The following PAK3 variants were observed in gnomAD, a reference collection of about 807,000 sequenced individuals.
The protein encoded by PAK3 is p21 (RAC1) activated kinase 3.
A neutral mutation model predicts 41.0 loss-of-function variants in PAK3; 4 were observed. That is an observed-to-expected ratio of 0.10 (90% CI 0.05 to 0.22). The LOEUF is 0.22. Ranked by LOEUF, PAK3 falls within the 10% of genes least tolerant of loss-of-function variation. The pLI, the probability that PAK3 is intolerant of heterozygous loss-of-function variation, is 1.00. For missense variants in PAK3, 205 were observed against 409.9 expected (o/e 0.50, Z 4.32); for synonymous variants, 146 against 139.6 (o/e 1.05, Z -0.32).
intron 4 of PAK3, among the ~76,000 whole-genome samples, chrX:111,118,414 C>G (rs768496971): frequency 3.8e-4 from 39 of 102,382 alleles, no homozygotes; most frequent in Non-Finnish European, 7.1e-4. Flanking sequence ...GCAGTTGTAA[C>G]TCTTGGATTT....
chrX:110,981,541 T>C (rs866534069), intron 1 of PAK3, among the ~76,000 whole-genome samples: 1 of 33,303 alleles, frequency 3.0e-5, no homozygotes. Context: ...TGAGAAAAAA[T>C]AGTGTGTGTG....
At chrX:111,169,130 T>TAC (rs1249169455) in intron 10 of PAK3, 1 of 123,223 alleles carries the variant, frequency 8.1e-6, no homozygotes, top group Admixed American at 9.3e-5. Context: ...CAATATATTC[T>TAC]ACACACGGCA....
At chrX:111,056,837 T>C (rs1251935921) in intron 1 of PAK3, among the ~76,000 whole-genome samples, 1 of 111,810 alleles carries the variant, frequency 8.9e-6, no homozygotes, top group African/African-American at 3.3e-5. Flanking sequence ...CTTCCTTGTG[T>C]AATTGAACTG....
At chrX:111,062,095 G>A (rs1450459988) in intron 1 of PAK3, among the ~76,000 whole-genome samples, 1 of 111,248 alleles carries the variant, frequency 9.0e-6, no homozygotes, top group Non-Finnish European at 1.9e-5. Context: ...TGGGATTACA[G>A]CTACGAGGAG....
intron 10 of PAK3, chrX:111,169,136 C>T (rs1205014139): frequency 1.5e-5 from 2 of 129,520 alleles, no homozygotes; most frequent in Admixed American, 9.1e-5. Context: ...ATTCTACACA[C>T]GGCATTGTGT....
chrX:111,040,311 T>C (rs1325256489), intron 1 of PAK3, among the ~76,000 whole-genome samples: 3 of 111,975 alleles, frequency 2.7e-5, no homozygotes, highest in Non-Finnish European at 5.6e-5. Context: ...ATACAGAATG[T>C]AGGTAAAGCA....
chrX:111,094,382 C>T (rs1299256941), upstream of PAK3, among the ~76,000 whole-genome samples: 2 of 111,464 alleles, frequency 1.8e-5, no homozygotes, highest in African/African-American at 6.5e-5. Context: ...ACTTTGGACT[C>T]ATTTCGATAC....
At chrX:111,207,586 C>G (rs915936797) in intron 16 of PAK3, among the ~76,000 whole-genome samples, 2 of 111,314 alleles carry the variant, frequency 1.8e-5, no homozygotes, top group African/African-American at 6.6e-5. Flanking sequence ...AAACCTACTT[C>G]TCAAGAAGAG....
At chrX:111,080,045 G>T (rs181814707) in intron 1 of PAK3, among the ~76,000 whole-genome samples, 4 of 112,478 alleles carry the variant, frequency 3.6e-5, no homozygotes, top group African/African-American at 1.3e-4. Flanking sequence ...GGTTTCTCAA[G>T]ATGGAAAGTA....
intron 5 of PAK3, among the ~76,000 whole-genome samples, chrX:111,124,230 C>T (rs1033589227): frequency 2.7e-5 from 3 of 112,151 alleles, no homozygotes; most frequent in African/African-American, 9.7e-5. Context: ...TTAAAAGATG[C>T]TTTGTTCTTC....
At chrX:111,081,673 A>G (rs1224096375) in intron 1 of PAK3, among the ~76,000 whole-genome samples, 1 of 111,987 alleles carries the variant, frequency 8.9e-6, no homozygotes, top group Non-Finnish European at 1.9e-5. Flanking sequence ...CCACTCTACA[A>G]TGTATACATG....
chrX:111,034,693 G>A (rs2092375606), intron 1 of PAK3, among the ~76,000 whole-genome samples: 1 of 111,321 alleles, frequency 9.0e-6, no homozygotes, highest in African/African-American at 3.3e-5. Context: ...TGTAGTGTAG[G>A]GGAATGACCT....
intron 1 of PAK3, among the ~76,000 whole-genome samples, chrX:111,044,465 G>C (rs780101432): frequency 8.9e-6 from 1 of 112,025 alleles, no homozygotes; most frequent in East Asian, 2.8e-4. Context: ...CTTTTGCAAA[G>C]CAGTGGTGTC....
At chrX:111,179,015 AT>A (rs1569446798) in intron 11 of PAK3, among the ~76,000 whole-genome samples, 29 of 103,148 alleles carry the variant, frequency 2.8e-4, no homozygotes, top group Non-Finnish European at 5.1e-4. Flanking sequence ...ATATATCTAT[AT>A]ATATATATAT....
At chrX:111,019,328 C>A (rs1219298886) in intron 1 of PAK3, among the ~76,000 whole-genome samples, 1 of 110,160 alleles carries the variant, frequency 9.1e-6, no homozygotes, top group African/African-American at 3.3e-5. Context: ...AAAGTATTTG[C>A]AAATCCTATA....
At chrX:110,950,997 G>A (rs5985312) in intron 1 of PAK3, among the ~76,000 whole-genome samples, 25,523 of 110,594 alleles carry the variant, frequency 0.23, 2,411 homozygotes, top group Middle Eastern at 0.33. Context: ...ACAATGTGAA[G>A]GCTGAAAAAA....
At chrX:110,975,613 A>T (rs1361258021) in intron 1 of PAK3, among the ~76,000 whole-genome samples, 1 of 112,079 alleles carries the variant, frequency 8.9e-6, no homozygotes, top group Non-Finnish European at 1.9e-5. Flanking sequence ...AAACTACTTT[A>T]AAGTTCATAT....
intron 1 of PAK3, among the ~76,000 whole-genome samples, chrX:111,009,805 A>G (rs1442255171): frequency 8.9e-6 from 1 of 112,147 alleles, no homozygotes; most frequent in Non-Finnish European, 1.9e-5. Flanking sequence ...TTCATGAGTT[A>G]TCTCATAAAT....
In PAK3 at chrX:111,142,100, TAAG is replaced by T; in HGVS notation, c.187_189del (p.Lys63del). On this transcript the variant is annotated inframe_deletion, in exon 6 of 18. Transcript: ENST00000372007. ...ATGTTAACATTTTGCCTTTAGCCAA[TAAG>T]AAGAAGGAGAAAGAGCGCCCAGAGA... The T allele has an allele frequency of 2.6e-6, 3 of 1,171,356 alleles. No homozygotes were observed. The highest frequency in any genetic ancestry group is 1.8e-5 in the South Asian group (1 of 56,069).
Sources: allele counts gnomAD v4.1 joint callset (sites outside exome capture counted in the v4.1 genomes callset), GRCh38; gene constraint gnomAD v4.1.1; transcripts MANE v1.5; gene names NCBI Gene and HGNC (gene_info 2026-07-23, HGNC 2026-07-21).